CDH11: variants seen among roughly 807,000 people sequenced by gnomAD.
CDH11 encodes the protein cadherin 11, also known as cadherin-11.
In CDH11, 11 loss-of-function variants were observed where a neutral mutation model predicts 67.8. The ratio of observed to expected loss-of-function variants is 0.16; its 90% CI spans 0.10 to 0.27. CDH11 has a LOEUF of 0.27. Ranked by LOEUF, CDH11 falls within the 10% of genes least tolerant of loss-of-function variation. The pLI is 1.00. For synonymous variants in CDH11, 419 were observed against 400.0 expected (o/e 1.05, Z -0.57); for missense variants, 847 against 1,031.2 (o/e 0.82, Z 2.45).
At chr16:65,038,235 T>C (rs1329748634) in intron 2 of CDH11, among the ~76,000 whole-genome samples, 2 of 152,102 alleles carry the variant, frequency 1.3e-5, no homozygotes, top group South Asian at 4.1e-4. Context: ...TTTGTTTTGA[T>C]CTCACTGCTT....
intron 4 of CDH11, among the ~76,000 whole-genome samples, chr16:64,993,715 G>A (rs1230602171): frequency 6.6e-6 from 1 of 152,138 alleles, no homozygotes; most frequent in Non-Finnish European, 1.5e-5. Context: ...GGAAATTGAA[G>A]AAAGATGGGG....
At position 64,944,150 on chromosome 16, in the gene CDH11, T is replaced by C. The variant is rs1032670239; in HGVS notation, c.*3453A>G. 8.6e-6 allele frequency: 2 copies of C among 232,780 alleles called. No individual in the cohort carries two copies. Among genetic ancestry groups the C allele is most frequent in the African/African-American group, 4.4e-5 (2 of 45,312 alleles). The allele number at this position is 232,780 out of a possible 1,614,324, so 14.4% of individuals were successfully genotyped here. A position where few individuals can be genotyped will look rare whatever the true frequency, so the allele number is the denominator to read the frequency against. ...GGCATCAGAATTCATTTTAAGTCTT[T>C]GGGAAGCCAGTGAAGAGGTTTAAGT... On this transcript the variant is annotated 3_prime_UTR_variant, in exon 13 of 13. Transcript: ENST00000268603.
intron 7 of CDH11, chr16:64,985,050 G>C (rs1417949929): frequency 6.6e-6 from 1 of 152,072 alleles, no homozygotes; most frequent in Non-Finnish European, 1.5e-5. Flanking sequence ...GAGATAGATG[G>C]GATTCCCATT....
chr16:64,957,455 A>G (rs984839532), intron 11 of CDH11, among the ~76,000 whole-genome samples: 5 of 152,082 alleles, frequency 3.3e-5, no homozygotes, highest in Admixed American at 3.3e-4. Flanking sequence ...AAAAGCTCCC[A>G]CACACTTGAA....
At chr16:64,976,740 T>A (rs560423445) in intron 8 of CDH11, among the ~76,000 whole-genome samples, 3 of 152,198 alleles carry the variant, frequency 2.0e-5, no homozygotes, top group East Asian at 1.9e-4. Context: ...ACACCTATAA[T>A]CCCAGCTACT....
chr16:64,991,032 T>A (rs2072616963), intron 6 of CDH11, among the ~76,000 whole-genome samples: 1 of 152,158 alleles, frequency 6.6e-6, no homozygotes, highest in Admixed American at 6.5e-5. Context: ...CCCCTTAGAT[T>A]TGTGAGCCTT....
rs369355487 is a variant in CDH11 at position 65,001,416 on chromosome 16, G to A, written c.229-2560C>T. On this transcript the variant is annotated intron_variant, in intron 3 of 12. Coordinates refer to ENST00000268603, the MANE Select transcript of CDH11 (RefSeq NM_001797.4). ...GAAGGCAAAATTTCTGCCCCACACCGCCATCTTAGGGGAGGCTTACCTTTG... is the reference window on the plus strand; with the variant it reads ...GAAGGCAAAATTTCTGCCCCACACCACCATCTTAGGGGAGGCTTACCTTTG... 5.3e-5 allele frequency among the ~76,000 whole-genome samples: 8 copies of A among 152,086 alleles called. No individual in the cohort carries two copies. The East Asian group carries it at 5.8e-4, about 11-fold the overall frequency.
At chr16:65,119,953 C>G (rs371462555) in intron 1 of CDH11, among the ~76,000 whole-genome samples, 7 of 152,274 alleles carry the variant, frequency 4.6e-5, no homozygotes, top group Non-Finnish European at 5.9e-5. Flanking sequence ...AATTCCAGAG[C>G]CCACTGGCCA....
Position 65,121,861 on chromosome 16 carries a change from G to C in CDH11, c.-298+19C>G, listed in dbSNP as rs761319719. On this transcript the variant is annotated intron_variant, in intron 1 of 12. Transcript: ENST00000268603. This position sits in a 1 kb window ranked among gnomAD's most constrained non-coding sequence, Gnocchi z 4.1. ...AAGCCCCAACCAGGCGAGAGGAAGG[G>C]ACTGGCGGCGCACCTCACCTGGGGC... 4.3e-6 allele frequency: 3 copies of C among 701,996 alleles called. No individual in the cohort carries two copies. In the South Asian group the frequency reaches 4.4e-5, roughly 10 times the overall value. The allele number at this position is 701,996 out of a possible 1,614,324, so 43.5% of individuals were successfully genotyped here.
chr16:65,094,913 A>AT (rs972428750), intron 1 of CDH11: 54 of 151,914 alleles, frequency 3.6e-4, no homozygotes, highest in African/African-American at 1.2e-3. Context: ...AAAAAAAAAC[A>AT]TTCTCTTGGT....
chr16:65,052,312 A>G lies in CDH11; in HGVS notation c.-173+1492T>C, dbSNP rs908541877. Among the ~76,000 whole-genome samples, 10 of 152,338 alleles carry G rather than the reference A, an allele frequency of 6.6e-5. No individual in the cohort carries two copies. The South Asian group carries it at 1.0e-3, about 16-fold the overall frequency. On this transcript the variant is annotated intron_variant, in intron 2 of 12. Coordinates refer to ENST00000268603, the MANE Select transcript of CDH11 (RefSeq NM_001797.4). ...AAGACAGACAACTAAAAAGGCAATTACAGTCCAATGTAGAAATCACAGTAA... is the reference window on the plus strand; with the variant it reads ...AAGACAGACAACTAAAAAGGCAATTGCAGTCCAATGTAGAAATCACAGTAA...
chr16:65,111,971 G>A (rs377636185), intron 1 of CDH11, among the ~76,000 whole-genome samples: 2 of 150,486 alleles, frequency 1.3e-5, no homozygotes, highest in East Asian at 2.0e-4. Context: ...TCAGGAGGCC[G>A]AGGCAGGATA....
chr16:65,100,337 G>A (rs2074968829), intron 1 of CDH11, among the ~76,000 whole-genome samples: 1 of 152,162 alleles, frequency 6.6e-6, no homozygotes, highest in South Asian at 2.1e-4. Flanking sequence ...AAGAAGACTG[G>A]AAGAAAATAC....
intron 2 of CDH11, among the ~76,000 whole-genome samples, chr16:65,026,768 G>A (rs2073542683): frequency 6.6e-6 from 1 of 152,044 alleles, no homozygotes; most frequent in Non-Finnish European, 1.5e-5. Context: ...GTCCCTGAAT[G>A]AATGAATCAT....
intron 1 of CDH11, among the ~76,000 whole-genome samples, chr16:65,101,091 C>G (rs531745728): frequency 6.6e-6 from 1 of 152,238 alleles, no homozygotes; most frequent in Admixed American, 6.5e-5. Context: ...GGCATAGCAC[C>G]TCAAAGCTTT....
upstream of CDH11, among the ~76,000 whole-genome samples, chr16:65,122,781 C>G (rs2075356695): frequency 6.6e-6 from 1 of 152,098 alleles, no homozygotes; most frequent in Non-Finnish European, 1.5e-5. Context: ...TAGTGCCCCC[C>G]ACGCAACGCC....
At chr16:65,116,971 T>A (rs1324865176) in intron 1 of CDH11, among the ~76,000 whole-genome samples, 1 of 152,246 alleles carries the variant, frequency 6.6e-6, no homozygotes, top group Non-Finnish European at 1.5e-5. Flanking sequence ...TAAGAATCCC[T>A]GAACTCTGCA....
At chr16:65,120,545 C>T (rs1465571685) in intron 1 of CDH11, among the ~76,000 whole-genome samples, 1 of 152,172 alleles carries the variant, frequency 6.6e-6, no homozygotes, top group African/African-American at 2.4e-5. Flanking sequence ...AGGGGGAAGA[C>T]TTTAGTGAAA....
chr16:64,950,630 C>T (rs1175622539), intron 12 of CDH11, 137 bp downstream of exon 12: 2 of 468,626 alleles, frequency 4.3e-6, no homozygotes, highest in African/African-American at 2.1e-5. Flanking sequence ...CGCCCCCGTA[C>T]CCCACTTCTT....
Sources: gnomAD v4.1 joint callset for allele counts (sites outside exome capture counted in the v4.1 genomes callset) on GRCh38, gnomAD v4.1.1 for gene constraint, Gnocchi (gnomAD v3.1) non-coding constraint, MANE v1.5 for transcripts, NCBI Gene and HGNC (gene_info 2026-07-23, HGNC 2026-07-21) for gene names.